Variants in TPD52L1 observed in about 807,000 individuals in gnomAD.
The protein encoded by TPD52L1 is tumor protein D53.
Under a neutral mutation model 28.7 loss-of-function variants are expected in TPD52L1, and 18 were observed. That is an observed-to-expected ratio of 0.63 (90% CI 0.43 to 0.93). The LOEUF is 0.93. Among genes scored for constraint, TPD52L1 ranks in the 40% least tolerant of loss-of-function variants. The pLI is 0.00. For synonymous variants in TPD52L1, 75 were observed against 88.8 expected, an observed-to-expected ratio of 0.84 and a Z score of 0.88; for missense variants, 203 against 254.8, an observed-to-expected ratio of 0.80 and a Z score of 1.39.
intron 5 of TPD52L1, among the ~76,000 whole-genome samples, chr6:125,254,268 T>A (rs966064407): frequency 6.6e-6 from 1 of 152,254 alleles, no homozygotes; most frequent in Non-Finnish European, 1.5e-5. Context: ...GTATAATTAC[T>A]GACCAGATAA....
intron 1 of TPD52L1, among the ~76,000 whole-genome samples, chr6:125,165,103 A>ATTTATTTATATATTTTG (rs1790804038): frequency 1.8e-5 from 1 of 55,342 alleles, no homozygotes; most frequent in African/African-American, 2.1e-4. Context: ...TATATATTTT[A>ATTTATTTATATATTTTG]ACTGTATATA....
intron 1 of TPD52L1, among the ~76,000 whole-genome samples, chr6:125,175,325 C>T (rs188341148): frequency 2.0e-5 from 3 of 152,082 alleles, no homozygotes; most frequent in Non-Finnish European, 2.9e-5. Flanking sequence ...GCAGCATGGA[C>T]GTTTCAACTT....
At chr6:125,198,533 G>T (rs1291943470) in intron 1 of TPD52L1, among the ~76,000 whole-genome samples, 1 of 152,180 alleles carries the variant, frequency 6.6e-6, no homozygotes, top group Non-Finnish European at 1.5e-5. Context: ...ACACATGGAA[G>T]TTATTGGTCA....
intron 2 of TPD52L1, among the ~76,000 whole-genome samples, chr6:125,228,741 C>T (rs1795768839): frequency 6.6e-6 from 1 of 152,042 alleles, no homozygotes; most frequent in African/African-American, 2.4e-5. Flanking sequence ...AGTAGAAAAC[C>T]AATTTTTGTT....
intron 1 of TPD52L1, chr6:125,154,524 G>C (rs995723528): frequency 1.0e-6 from 1 of 970,314 alleles, no homozygotes. Context: ...ACCTCCAGCA[G>C]ATCCACACGT....
Position 125,194,095 on chromosome 6 carries a change from C to A in TPD52L1, c.20-25983C>A, listed in dbSNP as rs145228722. On this transcript the variant is annotated intron_variant, in intron 1 of 6. Coordinates refer to ENST00000534000, the MANE Select transcript of TPD52L1 (RefSeq NM_003287.4). ...GACAAGGCCCCATGCTTTTTAGTTT[C>A]TAATAGTAGTGGACTGGAACTACTT... Among the ~76,000 whole-genome samples, 388 of 132,600 alleles carry A rather than the reference C, an allele frequency of 2.9e-3. 1 individual carries two copies. The highest frequency in any genetic ancestry group is 4.7e-3 in the Non-Finnish European group (293 of 62,884). The allele number at this position is 132,600 out of a possible 152,430, so 87.0% of individuals were successfully genotyped here.
rs780174140 is a variant in TPD52L1, at chr6:125,263,200, A to T, written c.*238A>T. ...GACTGTCACATTTTAAAATGTTCCC[A>T]CTTGAGCAGGTACACAACTGGTCAT... On this transcript the variant is annotated 3_prime_UTR_variant, in exon 7 of 7. Coordinates refer to ENST00000534000, the MANE Select transcript of TPD52L1 (RefSeq NM_003287.4). 1 of 521,578 alleles carries T rather than the reference A, an allele frequency of 1.9e-6. No homozygotes were observed. The highest frequency in any genetic ancestry group is 3.4e-6 in the Non-Finnish European group (1 of 297,640). The allele number at this position is 521,578 out of a possible 1,614,324, so 32.3% of individuals were successfully genotyped here.
intron 1 of TPD52L1, among the ~76,000 whole-genome samples, chr6:125,191,937 A>G (rs1174350526): frequency 1.3e-5 from 2 of 152,240 alleles, no homozygotes; most frequent in Non-Finnish European, 2.9e-5. Flanking sequence ...TCTAAAGCAG[A>G]ATCTAAGTAG....
chr6:125,156,896 T>C (rs1304637681), intron 1 of TPD52L1, among the ~76,000 whole-genome samples: 1 of 152,200 alleles, frequency 6.6e-6, no homozygotes, highest in African/African-American at 2.4e-5. Context: ...TGGAGGATAA[T>C]TACCTCTTAA....
intron 1 of TPD52L1, among the ~76,000 whole-genome samples, chr6:125,175,138 G>A (rs531617746): frequency 7.2e-5 from 11 of 152,046 alleles, no homozygotes; most frequent in Middle Eastern, 6.8e-3. Flanking sequence ...TAGCATTTAA[G>A]CTCCTTGAGG....
In TPD52L1 at chr6:125,178,620, A is replaced by AAAAACAAAAC. The variant is rs567869890; in HGVS notation, c.19+24680_19+24689dup. On this transcript the variant is annotated intron_variant, in intron 1 of 6. Transcript: ENST00000534000. ...TGGGCGACAGAGTGAGACTCCATCTAAAAACAAAACAAAACAAAACAAAAC... is the reference window on the plus strand; with the variant it reads ...TGGGCGACAGAGTGAGACTCCATCTAAAAACAAAACAAAACAAAACAAAACAAAACAAAAC... Among the ~76,000 whole-genome samples the AAAAACAAAAC allele has an allele frequency of 8.8e-4, 132 of 150,716 alleles. 1 individual carries two copies. Among genetic ancestry groups the AAAAACAAAAC allele is most frequent in the African/African-American group, 2.9e-3 (117 of 40,582 alleles).
Position 125,222,628 on chromosome 6 carries a change from T to A in TPD52L1, c.135+2435T>A, listed in dbSNP as rs111409126. Among the ~76,000 whole-genome samples the A allele has an allele frequency of 1.7e-3, 260 of 152,318 alleles. 1 individual carries two copies. Among genetic ancestry groups the A allele is most frequent in the African/African-American group, 6.1e-3 (255 of 41,568 alleles). ...TTCAAAATAAAAGCTGTTGGGACTT[T>A]AAATTATTTTGAGCCTTGAAGGAAT... is the stretch of plus-strand genomic sequence containing the variant. On this transcript the variant is annotated intron_variant, in intron 2 of 6. Coordinates refer to ENST00000534000, the MANE Select transcript of TPD52L1 (RefSeq NM_003287.4).
At chr6:125,236,965 A>T (rs1796296347) in intron 3 of TPD52L1, among the ~76,000 whole-genome samples, 1 of 152,246 alleles carries the variant, frequency 6.6e-6, no homozygotes, top group South Asian at 2.1e-4. Context: ...GGGACATTTA[A>T]AATACAGCAC....
intron 6 of TPD52L1, 133 bp from the exon 7 acceptor site, chr6:125,262,701 G>A (rs1437890912): frequency 2.4e-6 from 3 of 1,224,682 alleles, no homozygotes; most frequent in African/African-American, 1.5e-5. Flanking sequence ...ACAAACTTCT[G>A]TGCATTCTTT....
chr6:125,258,229 A>G (rs143432691), intron 6 of TPD52L1, among the ~76,000 whole-genome samples: 22 of 152,238 alleles, frequency 1.4e-4, no homozygotes, highest in African/African-American at 5.1e-4. Context: ...AAGGCCCAGG[A>G]ATGAAATTAT....
chr6:125,159,966 C>G (rs542593510), intron 1 of TPD52L1, among the ~76,000 whole-genome samples: 33 of 152,250 alleles, frequency 2.2e-4, no homozygotes, highest in African/African-American at 7.7e-4. Flanking sequence ...ATGCTGTTCT[C>G]ATGATAGCAA....
chr6:125,230,903 G>A (rs1188094667), intron 3 of TPD52L1, among the ~76,000 whole-genome samples: 1 of 152,106 alleles, frequency 6.6e-6, no homozygotes, highest in African/African-American at 2.4e-5. Context: ...ACAATTACGG[G>A]AAAAAATAAG....
chr6:125,189,042 T>C (rs982931088), intron 1 of TPD52L1, among the ~76,000 whole-genome samples: 22 of 152,204 alleles, frequency 1.4e-4, no homozygotes, highest in Non-Finnish European at 2.9e-5. Context: ...TAGCTAACGA[T>C]TTTTCTCCTA....
chr6:125,154,297 C>A (rs1273258187), intron 1 of TPD52L1: 5 of 1,158,380 alleles, frequency 4.3e-6, no homozygotes, highest in Middle Eastern at 3.2e-4. Flanking sequence ...CCTGTTGTGC[C>A]GGGTCCGGAA....
Sources: allele counts gnomAD v4.1 joint callset (sites outside exome capture counted in the v4.1 genomes callset), GRCh38; gene constraint gnomAD v4.1.1; transcripts MANE v1.5; gene names NCBI Gene and HGNC (gene_info 2026-07-23, HGNC 2026-07-21).